The following HDAC9 variants were observed in gnomAD, a reference collection of about 807,000 sequenced individuals.
HDAC9 encodes the protein histone deacetylase 9.
HDAC9 carries 41 observed loss-of-function variants against 139.4 expected under a neutral mutation model. That is an observed-to-expected ratio of 0.29 (90% CI 0.23 to 0.38). The LOEUF (loss-of-function observed/expected upper bound fraction) is 0.38. HDAC9 is among the 10% of genes least tolerant of loss of function. The probability of loss-of-function intolerance (pLI) is 1.00; values close to 1 mark genes in which losing one functional copy is unlikely to be tolerated. For missense variants in HDAC9, 1,147 were observed against 1,297.0 expected (o/e 0.88, Z 1.78); for synonymous variants, 517 against 476.2 (o/e 1.09, Z -1.12).
chr7:18,954,214 G>T lies in HDAC9; in HGVS notation c.3006G>T (p.Lys1002Asn). 6.5e-7 allele frequency: 1 copy of T among 1,531,682 alleles called. No homozygotes were observed. Among genetic ancestry groups the T allele is most frequent in the Non-Finnish European group, 8.9e-7 (1 of 1,119,714 alleles). The allele number at this position is 1,531,682 out of a possible 1,614,324, so 94.9% of individuals were successfully genotyped here. ...TGAATGCTGTTATTTCTTTACAGAA[G>T]ATCATTGAAATTCAAAGTATGTCTT... ...PNMNAVISLQ[K>N]IIEIQSKYWK... The change falls in exon 24 of 26, where the codon AAG becomes AAT. Residue 1002 changes from lysine to asparagine, a missense_variant. This residue lies in a region of HDAC9 where 407 missense variants were observed against 521.5 expected (regional missense o/e 0.78). Coordinates refer to ENST00000686413, the MANE Select transcript of HDAC9 (RefSeq NM_178425.4).
upstream of HDAC9, among the ~76,000 whole-genome samples, chr7:18,493,618 T>C (rs2128136238): frequency 6.6e-6 from 1 of 152,048 alleles, no homozygotes; most frequent in East Asian, 1.9e-4. Context: ...AAAAAAATGG[T>C]AACTAGCTGA....
chr7:18,699,111 CCTAA>C (rs1175090674), intron 12 of HDAC9, among the ~76,000 whole-genome samples: 4 of 152,116 alleles, frequency 2.6e-5, no homozygotes, highest in African/African-American at 9.7e-5. Flanking sequence ...AGTATCTCTC[CCTAA>C]CTGTGTCAAC....
chr7:18,395,709 A>G (rs1013157193), intron 1 of HDAC9, among the ~76,000 whole-genome samples: 1 of 152,112 alleles, frequency 6.6e-6, no homozygotes, highest in Non-Finnish European at 1.5e-5. Context: ...GCCAAGACAT[A>G]TTAGACTTTT....
intron 22 of HDAC9, among the ~76,000 whole-genome samples, chr7:18,896,327 A>G (rs534669422): frequency 6.6e-6 from 1 of 152,218 alleles, no homozygotes; most frequent in South Asian, 2.1e-4. Flanking sequence ...CAAGAAAAAT[A>G]TGTATATTTT....
At chr7:18,404,055 A>G (rs912382044) in intron 1 of HDAC9, among the ~76,000 whole-genome samples, 1 of 152,232 alleles carries the variant, frequency 6.6e-6, no homozygotes, top group Admixed American at 6.5e-5. Context: ...AGAAACTGAC[A>G]GGCCAATGCA....
At chr7:18,956,661 G>C (rs1032485785) in intron 24 of HDAC9, among the ~76,000 whole-genome samples, 14 of 152,124 alleles carry the variant, frequency 9.2e-5, no homozygotes, top group Non-Finnish European at 1.5e-4. Context: ...TACTCAAAAG[G>C]AGTCTGGTTT....
intron 24 of HDAC9, among the ~76,000 whole-genome samples, chr7:18,962,178 G>C (rs1024876714): frequency 6.6e-6 from 1 of 152,134 alleles, no homozygotes; most frequent in Non-Finnish European, 1.5e-5. Flanking sequence ...TGAGTTTAAA[G>C]CCCTGACTGT....
chr7:18,172,687 T>C (rs1788547068), intron 2 of HDAC9, among the ~76,000 whole-genome samples: 1 of 152,246 alleles, frequency 6.6e-6, no homozygotes, highest in Admixed American at 6.5e-5. Context: ...CATCTTTATT[T>C]CTGCCTTCAT....
chr7:18,763,433 T>C (rs1584994746), intron 15 of HDAC9, among the ~76,000 whole-genome samples: 1 of 152,272 alleles, frequency 6.6e-6, no homozygotes, highest in East Asian at 1.9e-4. Context: ...ACATAAAGAT[T>C]ATCCAATTTT....
Position 18,667,531 on chromosome 7 carries a change from G to A in HDAC9, c.1731+1055G>A. ...CTTCAGGAGGACTATGTCCTTTGAT[G>A]CTATAAAATACAAACAACTTTGAAG... On this transcript the variant is annotated intron_variant, in intron 12 of 25. Coordinates refer to ENST00000686413, the MANE Select transcript of HDAC9 (RefSeq NM_178425.4). 3.0e-6 allele frequency: 3 copies of A among 985,174 alleles called. No individual in the cohort carries two copies. In the South Asian group the frequency reaches 1.4e-4, roughly 46 times the overall value. The allele number at this position is 985,174 out of a possible 1,614,324, so 61.0% of individuals were successfully genotyped here. A position where few individuals can be genotyped will look rare whatever the true frequency, so the allele number is the denominator to read the frequency against.
intron 1 of HDAC9, among the ~76,000 whole-genome samples, chr7:18,097,465 CTTT>C (rs34184774): frequency 2.5e-4 from 35 of 139,856 alleles, no homozygotes; most frequent in Admixed American, 3.6e-4. Flanking sequence ...ACACTTTTAC[CTTT>C]TTTTTTTTTT....
intron 21 of HDAC9, among the ~76,000 whole-genome samples, chr7:18,869,901 G>A (rs1321384221): frequency 6.8e-6 from 1 of 148,026 alleles, no homozygotes; most frequent in Non-Finnish European, 1.5e-5. Context: ...TTTTTTTTTA[G>A]TGTGCTTCCA....
chr7:18,188,506 A>G (rs1790085621), intron 2 of HDAC9, among the ~76,000 whole-genome samples: 2 of 152,222 alleles, frequency 1.3e-5, no homozygotes, highest in African/African-American at 4.8e-5. Context: ...AATGGGATCT[A>G]ATTAAACTAA....
chr7:18,771,629 CAT>C (rs906622521), intron 16 of HDAC9, among the ~76,000 whole-genome samples: 1 of 151,934 alleles, frequency 6.6e-6, no homozygotes. Context: ...TTTTACACCA[CAT>C]GTGTATCTTC....
chr7:18,632,657 T>C (rs1782691989), intron 7 of HDAC9, among the ~76,000 whole-genome samples: 1 of 152,086 alleles, frequency 6.6e-6, no homozygotes, highest in African/African-American at 2.4e-5. Flanking sequence ...AATATTAGGC[T>C]CTATTTTGGA....
intron 2 of HDAC9, among the ~76,000 whole-genome samples, chr7:18,261,315 A>AAAAAT (rs1387933709): frequency 6.6e-6 from 1 of 152,104 alleles, no homozygotes; most frequent in Non-Finnish European, 1.5e-5. Flanking sequence ...CTCCAAAATA[A>AAAAAT]AAAATAAAAT....
At chr7:18,667,006 T>G in intron 12 of HDAC9, 9 of 985,430 alleles carry the variant, frequency 9.1e-6, no homozygotes, top group Non-Finnish European at 1.1e-5. Context: ...CCTTCCTTCC[T>G]CTCTCTTTTT....
At chr7:18,434,934 T>C (rs1401199502) in intron 1 of HDAC9, among the ~76,000 whole-genome samples, 1 of 151,738 alleles carries the variant, frequency 6.6e-6, no homozygotes, top group Non-Finnish European at 1.5e-5. Flanking sequence ...TAAAGACACA[T>C]GAACTTGTAT....
At chr7:18,184,179 AC>A (rs1438276264) in intron 2 of HDAC9, among the ~76,000 whole-genome samples, 2 of 152,124 alleles carry the variant, frequency 1.3e-5, no homozygotes, top group Admixed American at 1.3e-4. Flanking sequence ...CAGGCAGATC[AC>A]CTGAGGTTGG....
Sources: gnomAD v4.1 joint callset for allele counts (sites outside exome capture counted in the v4.1 genomes callset) on GRCh38, gnomAD v4.1.1 for gene constraint, gnomAD v4.1.1 regional missense constraint, MANE v1.5 for transcripts, NCBI Gene and HGNC (gene_info 2026-07-23, HGNC 2026-07-21) for gene names.